GNL3: variants seen among roughly 807,000 people sequenced by gnomAD.
The protein encoded by GNL3 is guanine nucleotide-binding protein-like 3.
A neutral mutation model predicts 70.6 loss-of-function variants in GNL3; 77 were observed. The ratio of observed to expected loss-of-function variants is 1.09; its 90% CI spans 0.91 to 1.32. The LOEUF (loss-of-function observed/expected upper bound fraction) is 1.32, where lower values mean the gene tolerates loss of function less well. Ranked by LOEUF, GNL3 falls within the 40% of genes most tolerant of loss-of-function variation. The pLI is 0.00. For missense variants in GNL3, 634 were observed against 644.0 expected, an observed-to-expected ratio of 0.98 and a Z score of 0.17; for synonymous variants, 252 against 216.1, an observed-to-expected ratio of 1.17 and a Z score of -1.46.
At position 52,687,296 on chromosome 3, in the gene GNL3, CAAG is replaced by C; in HGVS notation, c.127_129del (p.Lys43del). On this transcript the variant is annotated inframe_deletion, in exon 3 of 15. Coordinates refer to ENST00000418458, the MANE Select transcript of GNL3 (RefSeq NM_014366.5). Reference sequence around the variant, plus strand: ...GAAAGGAGGCTAAAAAGCGGGGTCACAAGAAGCCTAGGAAAGACCCAGGAGTTC... The same window carrying C: ...GAAAGGAGGCTAAAAAGCGGGGTCACAAGCCTAGGAAAGACCCAGGAGTTC... The C allele has an allele frequency of 6.2e-7, 1 of 1,613,008 alleles. No individual in the cohort carries two copies. Among genetic ancestry groups the C allele is most frequent in the Non-Finnish European group, 8.5e-7 (1 of 1,178,952 alleles).
At chr3:52,689,381 C>T in intron 6 of GNL3, 175 bp downstream of exon 6, 1 of 736,818 alleles carries the variant, frequency 1.4e-6, no homozygotes, top group Non-Finnish European at 2.5e-6. Flanking sequence ...TTACAACTGA[C>T]TCAACTGGTT....
intron 9 of GNL3, 195 bp from the exon 10 acceptor site, chr3:52,692,677 A>T: frequency 1.4e-6 from 1 of 738,504 alleles, no homozygotes; most frequent in Admixed American, 1.7e-5. Flanking sequence ...TAAATATATA[A>T]GCTATAACAT....
At chr3:52,686,372 G>A in intron 1 of GNL3, 1 of 588,488 alleles carries the variant, frequency 1.7e-6, no homozygotes, top group East Asian at 2.9e-5. Flanking sequence ...CAGCGTCTGA[G>A]CCAGGTTTGA....
Position 52,693,310 on chromosome 3 carries a change from C to T in GNL3, c.1168C>T (p.Leu390=). 1.9e-6 allele frequency: 3 copies of T among 1,614,184 alleles called. No individual in the cohort carries two copies. The highest frequency in any genetic ancestry group is 2.5e-6 in the Non-Finnish European group (3 of 1,180,032). Residue 390 remains leucine, a synonymous_variant, in exon 11 of 15, where the codon CTG becomes TTG. Coordinates refer to ENST00000418458, the MANE Select transcript of GNL3 (RefSeq NM_014366.5). Reference sequence around the variant, plus strand: ...AAATGTTGAAGGTGCTGCCAAACTGCTGTGGTCTGAGTGGACAGGGTAAGC... The same window carrying T: ...AAATGTTGAAGGTGCTGCCAAACTGTTGTGGTCTGAGTGGACAGGGTAAGC... ...IPNVEGAAKL[L]WSEWTGASLA...
chr3:52,692,154 A>T (rs1415377096), intron 9 of GNL3, among the ~76,000 whole-genome samples: 1 of 152,168 alleles, frequency 6.6e-6, no homozygotes, highest in Non-Finnish European at 1.5e-5. Flanking sequence ...GTGATGTTTG[A>T]ACCTGGCCTT....
intron 5 of GNL3, among the ~76,000 whole-genome samples, chr3:52,688,648 TA>T (rs1425233091): frequency 2.0e-5 from 3 of 152,182 alleles, no homozygotes; most frequent in African/African-American, 7.2e-5. Context: ...TGTTGAAACC[TA>T]AGTGAAGGAG....
At chr3:52,687,154 A>T in intron 2 of GNL3, 92 bp from the exon 3 acceptor site, 1 of 1,061,302 alleles carries the variant, frequency 9.4e-7, no homozygotes, top group Non-Finnish European at 1.4e-6. Flanking sequence ...TTATAGGCAT[A>T]ACTAAATTGC....
In GNL3 at chr3:52,694,410, A is replaced by G; in HGVS notation, c.*135A>G. 1 of 592,242 alleles carries G rather than the reference A, an allele frequency of 1.7e-6. No homozygotes were observed. Among genetic ancestry groups the G allele is most frequent in the South Asian group, 2.3e-5 (1 of 44,316 alleles). The allele number at this position is 592,242 out of a possible 1,614,324, so 36.7% of individuals were successfully genotyped here. The stretch of plus-strand genomic sequence containing the variant: ...ATTATATTAAAACCAGGCAACTTGG[A>G]ATCCCTAAATTCTGTAAAAAGACAA... On this transcript the variant is annotated 3_prime_UTR_variant, in exon 15 of 15. Coordinates refer to ENST00000418458, the MANE Select transcript of GNL3 (RefSeq NM_014366.5).
Position 52,688,197 on chromosome 3 carries a change from CT to C in GNL3, c.408+7del. On this transcript the variant is annotated splice_donor_region_variant and intron_variant, in intron 5 of 14. Transcript: ENST00000418458. The stretch of plus-strand genomic sequence containing the variant: ...TACTGCCAAGAACTTAAAAAGGTAT[CT>C]TAGCCTAGGTCAGTGTCTGACAGTA... 1 of 1,541,922 alleles carries C rather than the reference CT, an allele frequency of 6.5e-7. No homozygotes were observed. The highest frequency in any genetic ancestry group is 9.0e-7 in the Non-Finnish European group (1 of 1,114,312).
At chr3:52,686,133 A>T in intron 1 of GNL3, 28 bp downstream of exon 1, 1 of 1,594,612 alleles carries the variant, frequency 6.3e-7, no homozygotes, top group Non-Finnish European at 8.6e-7. Context: ...GCGGGCGTGG[A>T]GGGACCCACG....
At chr3:52,690,514 C>G in intron 6 of GNL3, 78 bp from the exon 7 acceptor site, 1 of 775,912 alleles carries the variant, frequency 1.3e-6, no homozygotes. Context: ...CCGCCTGTCT[C>G]GGCCTCCCAA....
chr3:52,690,758 T>C (rs1031193096), intron 7 of GNL3, 54 bp downstream of exon 7: 2 of 1,202,932 alleles, frequency 1.7e-6, no homozygotes, highest in South Asian at 2.5e-5. Context: ...GGTTGAAATA[T>C]GATGAGTGTA....
intron 1 of GNL3, 82 bp downstream of exon 1, chr3:52,686,187 G>A: frequency 6.6e-7 from 1 of 1,506,664 alleles, no homozygotes; most frequent in Non-Finnish European, 9.2e-7. Context: ...CTACGGCTAC[G>A]GCTTTGTCTC....
Position 52,692,985 on chromosome 3 carries a change from T to C in GNL3, c.983T>C (p.Ile328Thr). The C allele has an allele frequency of 3.7e-6, 6 of 1,614,150 alleles. No individual in the cohort carries two copies. Among genetic ancestry groups the C allele is most frequent in the Middle Eastern group, 1.6e-4 (1 of 6,062 alleles). ...CTTGCTCTGCGAAGTCCAGCAAGTA[T>C]TGAAGTAGTAAAACCGATGGAGGCT... Reference protein sequence around the residue: ...SALALRSPASIEVVKPMEAAS... With the variant: ...SALALRSPASTEVVKPMEAAS... The change falls in exon 10 of 15, where the codon ATT (isoleucine) becomes ACT (threonine). Residue 328 changes from isoleucine to threonine, a missense_variant. Physicochemically the swap from Ile to Thr is moderately conservative, Grantham distance 89. Transcript: ENST00000418458.
At position 52,693,185 on chromosome 3, in the gene GNL3, AG is replaced by A. The variant is rs780473007; in HGVS notation, c.1045del. ...GCTCCTTTGTTTGGTTTTTTTTTTAAGGTAGTACTGAAATATACTGTCCCAG... is the reference window on the plus strand; with the variant it reads ...GCTCCTTTGTTTGGTTTTTTTTTTAAGTAGTACTGAAATATACTGTCCCAG... On this transcript the variant is annotated splice_acceptor_variant, in intron 10 of 14. Coordinates refer to ENST00000418458, the MANE Select transcript of GNL3 (RefSeq NM_014366.5). LOFTEE classifies it high-confidence loss of function. 1.9e-6 allele frequency: 3 copies of A among 1,597,312 alleles called. No individual in the cohort carries two copies. Among genetic ancestry groups the A allele is most frequent in the Non-Finnish European group, 2.6e-6 (3 of 1,175,100 alleles).
At chr3:52,692,847 A>G (rs2097328668) in intron 9 of GNL3, 25 bp from the exon 10 acceptor site, 3 of 1,592,492 alleles carry the variant, frequency 1.9e-6, no homozygotes, top group Non-Finnish European at 2.6e-6. Context: ...CAATGCCCCC[A>G]TCAATTCCAT....
Position 52,693,539 on chromosome 3 carries a change from TAA to T in GNL3, c.1320_1321del (p.Ile440MetfsTer11). 5.0e-6 allele frequency: 8 copies of T among 1,614,154 alleles called. No homozygotes were observed. The highest frequency in any genetic ancestry group is 6.8e-6 in the Non-Finnish European group (8 of 1,180,016). The stretch of plus-strand genomic sequence containing the variant: ...CTGGAAAAGAACAATGCACAGAGCA[TAA>T]GAGGTGAGAATTGTGTGTCGCTGCT... On this transcript the variant is annotated frameshift_variant, in exon 12 of 15. Coordinates refer to ENST00000418458, the MANE Select transcript of GNL3 (RefSeq NM_014366.5). LOFTEE classifies it high-confidence loss of function.
At chr3:52,692,609 G>A (rs950979376) in intron 9 of GNL3, 14 of 497,318 alleles carry the variant, frequency 2.8e-5, no homozygotes, top group Admixed American at 1.1e-4. Context: ...GAGCCACCGC[G>A]CCCAGCCAGA....
chr3:52,689,256 AG>A, intron 6 of GNL3, 50 bp downstream of exon 6: 1 of 1,522,536 alleles, frequency 6.6e-7, no homozygotes, highest in Non-Finnish European at 9.1e-7. Flanking sequence ...GTGAGGTACG[AG>A]GAAACAGTCT....
Sources: allele counts gnomAD v4.1 joint callset (sites outside exome capture counted in the v4.1 genomes callset), GRCh38; gene constraint gnomAD v4.1.1; transcripts MANE v1.5; gene names NCBI Gene and HGNC (gene_info 2026-07-23, HGNC 2026-07-21).